RUBCN: variants seen among roughly 807,000 people sequenced by gnomAD.
The protein encoded by RUBCN is run domain Beclin-1-interacting and cysteine-rich domain-containing protein.
RUBCN carries 74 observed loss-of-function variants against 113.2 expected under a neutral mutation model. The observed-to-expected ratio is 0.65, with a 90% CI of 0.54 to 0.79. The LOEUF is 0.79. RUBCN is among the 30% of genes least tolerant of loss of function. RUBCN has a pLI of 0.00. For synonymous variants in RUBCN, 480 were observed against 490.0 expected (o/e 0.98, Z 0.27); for missense variants, 1,109 against 1,251.7 (o/e 0.89, Z 1.72).
Position 197,701,703 on chromosome 3 carries a change from C to G in RUBCN, c.727+5G>C. The G allele has an allele frequency of 6.2e-7, 1 of 1,613,746 alleles. No homozygotes were observed. Among genetic ancestry groups the G allele is most frequent in the Non-Finnish European group, 8.5e-7 (1 of 1,179,686 alleles). ...TGTAATGACCACTTTTTCCTGTCCCCATACCTGAGCCATTGTTGGGCACGG... is the reference window on the plus strand; with the variant it reads ...TGTAATGACCACTTTTTCCTGTCCCGATACCTGAGCCATTGTTGGGCACGG... On this transcript the variant is annotated splice_donor_5th_base_variant and intron_variant, in intron 6 of 19. Transcript: ENST00000296343.
intron 1 of RUBCN, among the ~76,000 whole-genome samples, chr3:197,746,255 T>C (rs1375208512): frequency 6.6e-6 from 1 of 152,200 alleles, no homozygotes. Context: ...TGCTCCAAAG[T>C]GAGGAGGCCA....
rs995568012 is a variant in RUBCN at position 197,729,234 on chromosome 3, CTTTTG to C, written c.65+7416_65+7420del. 7.4e-5 allele frequency among the ~76,000 whole-genome samples: 11 copies of C among 147,786 alleles called. No homozygotes were observed. The East Asian group carries it at 8.0e-4, about 11-fold the overall frequency. On this transcript the variant is annotated intron_variant, in intron 1 of 19. Coordinates refer to ENST00000296343, the MANE Select transcript of RUBCN (RefSeq NM_014687.4). ...TCAATGGGAAAACCACTGAACATTG[CTTTTG>C]TTTTTTTTGTTTTGTTTTGTTTGTT... is the stretch of plus-strand genomic sequence containing the variant.
intron 3 of RUBCN, 72 bp from the exon 4 acceptor site, chr3:197,704,773 G>A (rs1315649734): frequency 2.7e-6 from 4 of 1,482,534 alleles, no homozygotes; most frequent in Middle Eastern, 2.3e-4. Context: ...CTAATGACCT[G>A]AGAACTAAAT....
rs1312560934 is a variant in RUBCN, at chr3:197,674,403, A to T, written c.*615T>A. Reference sequence around the variant, plus strand: ...CAGGAACTCCCGGCAACATAGGGACATTCACAGCTGCCTCTGAGGTCTCTG... The same window carrying T: ...CAGGAACTCCCGGCAACATAGGGACTTTCACAGCTGCCTCTGAGGTCTCTG... On this transcript the variant is annotated 3_prime_UTR_variant, in exon 20 of 20. Coordinates refer to ENST00000296343, the MANE Select transcript of RUBCN (RefSeq NM_014687.4). 3.6e-6 allele frequency: 1 copy of T among 280,600 alleles called. No homozygotes were observed. Among genetic ancestry groups the T allele is most frequent in the Non-Finnish European group, 7.9e-6 (1 of 126,566 alleles). The allele number at this position is 280,600 out of a possible 1,614,324, so 17.4% of individuals were successfully genotyped here.
chr3:197,692,649 ACAAACAAC>A (rs1722550925), intron 11 of RUBCN, among the ~76,000 whole-genome samples: 1 of 152,136 alleles, frequency 6.6e-6, no homozygotes, highest in Non-Finnish European at 1.5e-5. Context: ...AAAATCACAT[ACAAACAAC>A]CAAACAAACA....
intron 2 of RUBCN, among the ~76,000 whole-genome samples, chr3:197,710,030 C>T (rs1207369893): frequency 6.6e-6 from 1 of 151,776 alleles, no homozygotes; most frequent in Non-Finnish European, 1.5e-5. Context: ...ATTAGCCAGG[C>T]GTGGTGGCAT....
At chr3:197,688,012 T>A (rs1354624366) in intron 11 of RUBCN, among the ~76,000 whole-genome samples, 2 of 152,220 alleles carry the variant, frequency 1.3e-5, no homozygotes, top group East Asian at 3.9e-4. Flanking sequence ...TGCTCCTCTA[T>A]CTGCTCCTCC....
At chr3:197,732,052 AACAGAG>A (rs1193156176) in intron 1 of RUBCN, among the ~76,000 whole-genome samples, 1 of 152,232 alleles carries the variant, frequency 6.6e-6, no homozygotes, top group Non-Finnish European at 1.5e-5. Flanking sequence ...AAATGCTATT[AACAGAG>A]ATCAGAGGAG....
At position 197,675,765 on chromosome 3, in the gene RUBCN, AGAG is replaced by A. The variant is rs1240703889; in HGVS notation, c.2647-253_2647-251del. ...ACCCCCAGCGCGGCTCTCCATGAAG[AGAG>A]GAGAAGGAGGAAATGGCACCACAAA... is the stretch of plus-strand genomic sequence containing the variant. On this transcript the variant is annotated intron_variant, in intron 18 of 19. Transcript: ENST00000296343. The surrounding 1 kb of genome is among the most constrained non-coding windows in gnomAD (Gnocchi z 4.4). Among the ~76,000 whole-genome samples the A allele has an allele frequency of 9.2e-5, 14 of 152,200 alleles. No individual in the cohort carries two copies. Among genetic ancestry groups the A allele is most frequent in the Admixed American group, 1.3e-4 (2 of 15,282 alleles).
rs944824320 is a variant in RUBCN, at chr3:197,730,610, G to C, written c.65+6045C>G. On this transcript the variant is annotated intron_variant, in intron 1 of 19. Transcript: ENST00000296343. ...TTGAGAGAGAAAGTGGGACCAGGGG[G>C]CCATCACGAGTGTGGATGCTGTGCC... 9.2e-5 allele frequency among the ~76,000 whole-genome samples: 14 copies of C among 151,472 alleles called. 1 individual carries two copies. The highest frequency in any genetic ancestry group is 1.8e-4 in the Non-Finnish European group (12 of 67,908).
At chr3:197,711,134 A>T (rs562604907) in intron 2 of RUBCN, among the ~76,000 whole-genome samples, 1 of 152,240 alleles carries the variant, frequency 6.6e-6, no homozygotes, top group South Asian at 2.1e-4. Flanking sequence ...TCTGGTGAGG[A>T]TATTTATATA....
rs73087572 is a variant in RUBCN, at chr3:197,720,952, C to T, written c.66-2822G>A. ...AGCGTGTAAGGGTTCCCTTTTCTCC[C>T]CATCCTCACCGACACCGGCTATCTT... On this transcript the variant is annotated intron_variant, in intron 1 of 19. Coordinates refer to ENST00000296343, the MANE Select transcript of RUBCN (RefSeq NM_014687.4). Among the ~76,000 whole-genome samples, 1,484 of 152,146 alleles carry T rather than the reference C, an allele frequency of 9.8e-3. 21 individuals carry two copies. Among genetic ancestry groups the T allele is most frequent in the African/African-American group, 0.034 (1,390 of 41,486 alleles).
chr3:197,740,427 C>G (rs1728479282), upstream of RUBCN, among the ~76,000 whole-genome samples: 1 of 151,444 alleles, frequency 6.6e-6, no homozygotes, highest in Non-Finnish European at 1.5e-5. Context: ...TGAGGTCATG[C>G]CATTGCACTC....
intron 7 of RUBCN, among the ~76,000 whole-genome samples, chr3:197,697,408 C>T (rs1415126460): frequency 1.3e-5 from 2 of 152,208 alleles, no homozygotes; most frequent in Non-Finnish European, 2.9e-5. Flanking sequence ...TTAGAAAAGT[C>T]TTTAGATGGT....
intron 2 of RUBCN, among the ~76,000 whole-genome samples, chr3:197,710,789 A>T (rs1724878004): frequency 6.6e-6 from 1 of 152,134 alleles, no homozygotes; most frequent in Non-Finnish European, 1.5e-5. Context: ...GACACTTATA[A>T]TATCTTTTCA....
intron 2 of RUBCN, among the ~76,000 whole-genome samples, chr3:197,711,240 A>T (rs189257441): frequency 6.6e-6 from 1 of 152,372 alleles, no homozygotes; most frequent in East Asian, 1.9e-4. Context: ...GGTAAAGGGC[A>T]AAATTATTTA....
chr3:197,674,172 C>A lies in RUBCN; in HGVS notation c.*846G>T, dbSNP rs1363466596. ...CACCTGCACCAAAAAGCCAGGTTAA[C>A]TAAGAGACCTTAACACCAAGAGGGG... On this transcript the variant is annotated 3_prime_UTR_variant, in exon 20 of 20. Coordinates refer to ENST00000296343, the MANE Select transcript of RUBCN (RefSeq NM_014687.4). 1 of 152,662 alleles carries A rather than the reference C, an allele frequency of 6.6e-6. No homozygotes were observed. The highest frequency in any genetic ancestry group is 1.5e-5 in the Non-Finnish European group (1 of 68,318). 9.5% of individuals were successfully genotyped at this position (152,662 alleles called of 1,614,324 possible). A position where few individuals can be genotyped will look rare whatever the true frequency, so the allele number is the denominator to read the frequency against.
chr3:197,681,185 C>A lies in RUBCN; in HGVS notation c.2374G>T (p.Val792Leu), dbSNP rs146969620. ...IKIWNDPLFNVQDINSALYRK... is the reference protein window; with the variant it reads ...IKIWNDPLFNLQDINSALYRK... ...TAGAGGGCACTGTTTATGTCCTGCA[C>A]GTTGAAGAGAGGATCATTCCAGATC... Residue 792 changes from valine (V) to leucine (L), a missense_variant, in exon 16 of 20, where the codon GTG becomes TTG. Physicochemically the swap from Val to Leu is conservative, Grantham distance 32 (BLOSUM62 1). Coordinates refer to ENST00000296343, the MANE Select transcript of RUBCN (RefSeq NM_014687.4). This position sits in a 1 kb window ranked among gnomAD's most constrained non-coding sequence, Gnocchi z 5.5. 2 of 1,613,966 alleles carry A rather than the reference C, an allele frequency of 1.2e-6. No individual in the cohort carries two copies. The highest frequency in any genetic ancestry group is 1.3e-5 in the African/African-American group (1 of 74,906).
Position 197,704,610 on chromosome 3 carries a change from T to C in RUBCN, c.395A>G (p.Tyr132Cys), listed in dbSNP as rs1172740095. ...CCGGAGCTGGGCTGAGAGGCAGTGG[T>C]ACTGCAGGCTGTGCTGCAGCCACAG... is the stretch of plus-strand genomic sequence containing the variant. ...AELWLQHSLQYHCLSAQLRPL... is the reference protein window; with the variant it reads ...AELWLQHSLQCHCLSAQLRPL... The change falls in exon 4 of 20, where the codon TAC (tyrosine) becomes TGC (cysteine). Residue 132 changes from tyrosine to cysteine, a missense_variant. Around this residue, in one of 3 missense-constraint regions of RUBCN, gnomAD observed 736 missense variants for 779.6 expected, o/e 0.94. Transcript: ENST00000296343. 1 of 1,613,982 alleles carries C rather than the reference T, an allele frequency of 6.2e-7. No individual in the cohort carries two copies. Among genetic ancestry groups the C allele is most frequent in the Non-Finnish European group, 8.5e-7 (1 of 1,179,952 alleles).
Sources: allele counts gnomAD v4.1 joint callset (sites outside exome capture counted in the v4.1 genomes callset), GRCh38; gene constraint gnomAD v4.1.1; regional missense constraint gnomAD v4.1.1; non-coding constraint Gnocchi (gnomAD v3.1); transcripts MANE v1.5; gene names NCBI Gene and HGNC (gene_info 2026-07-23, HGNC 2026-07-21).